Variants in JAK2 observed in about 807,000 individuals in gnomAD.
JAK2 encodes the protein tyrosine-protein kinase JAK2.
JAK2 carries 86 observed loss-of-function variants against 139.3 expected under a neutral mutation model. That is an observed-to-expected ratio of 0.62 (90% CI 0.52 to 0.74). JAK2 has a LOEUF of 0.74. JAK2 is among the 30% of genes least tolerant of loss of function. JAK2 has a pLI of 0.00. For synonymous variants in JAK2, 490 were observed against 437.7 expected (o/e 1.12, Z -1.49); for missense variants, 1,421 against 1,360.3 (o/e 1.04, Z -0.70).
chr9:5,082,752 G>A (rs987448382), intron 19 of JAK2, among the ~76,000 whole-genome samples: 12 of 152,220 alleles, frequency 7.9e-5, no homozygotes, highest in African/African-American at 2.7e-4. Flanking sequence ...GGAGAATGGC[G>A]ATGACTTTTA....
chr9:5,063,004 T>C (rs1818293617), intron 8 of JAK2, among the ~76,000 whole-genome samples: 1 of 152,148 alleles, frequency 6.6e-6, no homozygotes, highest in Non-Finnish European at 1.5e-5. Context: ...GTCTTTTAAT[T>C]TTGTTTAGGA....
intron 2 of JAK2, among the ~76,000 whole-genome samples, chr9:4,987,268 G>A (rs1287930359): frequency 6.6e-6 from 1 of 152,194 alleles, no homozygotes; most frequent in Non-Finnish European, 1.5e-5. Flanking sequence ...TTGTGTGTGT[G>A]TGCCTTTGGT....
At chr9:5,004,882 G>A (rs1431285637) in intron 2 of JAK2, among the ~76,000 whole-genome samples, 1 of 148,392 alleles carries the variant, frequency 6.7e-6, no homozygotes, top group Non-Finnish European at 1.5e-5. Context: ...GATGTTGAAC[G>A]TTTTTTCATG....
chr9:5,119,301 GAGGTATGTTTATTATGA>G (rs1823439719), intron 22 of JAK2, among the ~76,000 whole-genome samples: 1 of 151,936 alleles, frequency 6.6e-6, no homozygotes, highest in African/African-American at 2.4e-5. Context: ...CAAATGCATG[GAGGTATGTTTATTATGA>G]AGCTAATGAA....
At chr9:5,111,920 C>G in intron 22 of JAK2, 1 of 352,272 alleles carries the variant, frequency 2.8e-6, no homozygotes, top group Non-Finnish European at 5.6e-6. Context: ...TGGCCTCAAT[C>G]TACTCTCCGG....
At chr9:5,120,167 G>C (rs1233464208) in intron 22 of JAK2, among the ~76,000 whole-genome samples, 1 of 152,204 alleles carries the variant, frequency 6.6e-6, no homozygotes, top group Non-Finnish European at 1.5e-5. Context: ...CTCCTTCAGA[G>C]AGGAGGAACA....
chr9:5,126,823 G>C lies in JAK2; in HGVS notation c.*32G>C. 1 of 1,352,474 alleles carries C rather than the reference G, an allele frequency of 7.4e-7. No individual in the cohort carries two copies. The highest frequency in any genetic ancestry group is 1.1e-6 in the Non-Finnish European group (1 of 951,564). 83.8% of individuals were successfully genotyped at this position (1,352,474 alleles called of 1,614,324 possible). ...TGACCTTCATTCTGAGACCAAAGTA[G>C]ATTTACAGAACAAAGTTTTATATTT... On this transcript the variant is annotated 3_prime_UTR_variant, in exon 25 of 25. Coordinates refer to ENST00000381652, the MANE Select transcript of JAK2 (RefSeq NM_004972.4).
chr9:5,038,973 A>T (rs933017525), intron 4 of JAK2, among the ~76,000 whole-genome samples: 1 of 152,110 alleles, frequency 6.6e-6, no homozygotes, highest in Non-Finnish European at 1.5e-5. Flanking sequence ...ATTATAAAAA[A>T]ACTCAACACA....
At chr9:5,111,228 GC>G in intron 22 of JAK2, 1 of 572,082 alleles carries the variant, frequency 1.7e-6, no homozygotes. Flanking sequence ...GCTAGCGCGG[GC>G]CTATTCCTCC....
chr9:5,073,612 C>T, intron 13 of JAK2, 86 bp from the exon 14 acceptor site: 1 of 972,794 alleles, frequency 1.0e-6, no homozygotes, highest in South Asian at 1.4e-5. Context: ...GGAGAAAGTG[C>T]ATCTTTATTA....
chr9:5,074,862 C>T (rs1387663591), intron 14 of JAK2, among the ~76,000 whole-genome samples: 1 of 152,034 alleles, frequency 6.6e-6, no homozygotes, highest in African/African-American at 2.4e-5. Context: ...TGCTGAAAGC[C>T]AAGACAAGCT....
intron 5 of JAK2, among the ~76,000 whole-genome samples, chr9:5,049,433 T>C (rs903001763): frequency 2.0e-5 from 3 of 152,258 alleles, no homozygotes; most frequent in African/African-American, 7.2e-5. Context: ...TCATTCCTTC[T>C]ATTTCTTTAC....
chr9:5,106,175 A>G (rs1821936493), intron 22 of JAK2, among the ~76,000 whole-genome samples: 1 of 152,236 alleles, frequency 6.6e-6, no homozygotes, highest in African/African-American at 2.4e-5. Context: ...ACAAAGGGCT[A>G]ATATCCAAAA....
At chr9:5,114,240 C>T (rs937857839) in intron 22 of JAK2, 1 of 528,668 alleles carries the variant, frequency 1.9e-6, no homozygotes. Flanking sequence ...CCGCAAGTTG[C>T]CCACAATCAC....
intron 19 of JAK2, among the ~76,000 whole-genome samples, chr9:5,087,009 G>T (rs1169582096): frequency 1.3e-5 from 2 of 151,850 alleles, no homozygotes; most frequent in Non-Finnish European, 2.9e-5. Flanking sequence ...TTTTTAAATT[G>T]TGCTTCCATC....
intron 3 of JAK2, among the ~76,000 whole-genome samples, chr9:5,026,835 G>A (rs1441357004): frequency 1.3e-5 from 2 of 152,138 alleles, no homozygotes; most frequent in Non-Finnish European, 2.9e-5. Flanking sequence ...ACCATTTGTT[G>A]ATGTACCTTC....
At chr9:5,017,274 T>C (rs74518852) in intron 2 of JAK2, among the ~76,000 whole-genome samples, 78 of 152,214 alleles carry the variant, frequency 5.1e-4, no homozygotes, top group African/African-American at 1.7e-3. Context: ...AAAAGATACA[T>C]TTCAGCAGGA....
chr9:5,089,197 A>AGAT (rs1439097841), intron 19 of JAK2, among the ~76,000 whole-genome samples: 1 of 152,156 alleles, frequency 6.6e-6, no homozygotes, highest in East Asian at 1.9e-4. Context: ...CCACCTGTTG[A>AGAT]GATAGTATTT....
chr9:5,061,967 G>A (rs977374371), intron 8 of JAK2, among the ~76,000 whole-genome samples: 2 of 152,062 alleles, frequency 1.3e-5, no homozygotes, highest in African/African-American at 4.8e-5. Flanking sequence ...CTGAGGAGAG[G>A]GAAAAAGAAA....
Sources: gnomAD v4.1 joint callset for allele counts (sites outside exome capture counted in the v4.1 genomes callset) on GRCh38, gnomAD v4.1.1 for gene constraint, MANE v1.5 for transcripts, NCBI Gene and HGNC (gene_info 2026-07-23, HGNC 2026-07-21) for gene names.